The following PRKG1 variants were observed in gnomAD, a reference collection of about 807,000 sequenced individuals.
PRKG1 encodes the protein protein kinase cGMP-dependent 1, also known as cGMP-dependent protein kinase 1.
A neutral mutation model predicts 88.1 loss-of-function variants in PRKG1; 35 were observed. The observed-to-expected ratio is 0.40, with a 90% confidence interval of 0.30 to 0.53. The LOEUF (loss-of-function observed/expected upper bound fraction) is 0.53, where lower values mean the gene tolerates loss of function less well. Among genes scored for constraint, PRKG1 ranks in the 20% least tolerant of loss-of-function variants. The pLI is 0.59. For synonymous variants in PRKG1, 303 were observed against 292.5 expected, an observed-to-expected ratio of 1.04 and a Z score of -0.37; for missense variants, 540 against 839.8, an observed-to-expected ratio of 0.64 and a Z score of 4.41.
intron 10 of PRKG1, among the ~76,000 whole-genome samples, chr10:52,260,038 G>GA (rs1353777037): frequency 2.6e-5 from 4 of 151,622 alleles, no homozygotes; most frequent in African/African-American, 9.7e-5. Flanking sequence ...CCTTATCATT[G>GA]AAAGAGGCAT....
intron 3 of PRKG1, among the ~76,000 whole-genome samples, chr10:51,553,901 T>C (rs1340697032): frequency 6.3e-5 from 8 of 127,384 alleles, no homozygotes; most frequent in African/African-American, 2.4e-4. Flanking sequence ...AATATATGTA[T>C]GTATTAGATA....
chr10:51,976,744 G>A (rs1843844524), intron 5 of PRKG1, among the ~76,000 whole-genome samples: 1 of 151,968 alleles, frequency 6.6e-6, no homozygotes, highest in East Asian at 1.9e-4. Context: ...AGTTTAAAAG[G>A]CTGAATTTTA....
chr10:51,909,491 A>AC (rs1232047096), intron 5 of PRKG1: 1 of 152,242 alleles, frequency 6.6e-6, no homozygotes, highest in African/African-American at 2.4e-5. Context: ...ATTTACATAT[A>AC]CGAAGACATA....
At chr10:51,505,091 T>G (rs1322673974) in intron 3 of PRKG1, among the ~76,000 whole-genome samples, 1 of 152,182 alleles carries the variant, frequency 6.6e-6, no homozygotes, top group African/African-American at 2.4e-5. Context: ...CCATTCAGTA[T>G]GATATTAGCT....
At chr10:51,256,155 T>G (rs936712464) in intron 2 of PRKG1, among the ~76,000 whole-genome samples, 1 of 152,148 alleles carries the variant, frequency 6.6e-6, no homozygotes, top group Non-Finnish European at 1.5e-5. Context: ...GATTTTCTCC[T>G]TTCTCAGGGA....
intron 2 of PRKG1, among the ~76,000 whole-genome samples, chr10:51,211,329 G>C (rs1306323775): frequency 6.6e-6 from 1 of 152,148 alleles, no homozygotes; most frequent in African/African-American, 2.4e-5. Flanking sequence ...AATAGTAAGA[G>C]CTATCTATGA....
intron 3 of PRKG1, among the ~76,000 whole-genome samples, chr10:51,504,067 T>G (rs1214374554): frequency 2.0e-5 from 3 of 152,164 alleles, no homozygotes; most frequent in Non-Finnish European, 4.4e-5. Context: ...AATCACTGCT[T>G]TCTTATAAAG....
chr10:51,636,863 T>C (rs1219030586), intron 3 of PRKG1, among the ~76,000 whole-genome samples: 2 of 152,202 alleles, frequency 1.3e-5, no homozygotes, highest in Admixed American at 1.3e-4. Context: ...GAGAACAGTG[T>C]GAGTTACTTG....
At chr10:52,179,268 C>T (rs1395387301) in intron 9 of PRKG1, among the ~76,000 whole-genome samples, 1 of 152,010 alleles carries the variant, frequency 6.6e-6, no homozygotes, top group Non-Finnish European at 1.5e-5. Flanking sequence ...CTTCTAAGGC[C>T]AGTCTACTAG....
Position 51,074,635 on chromosome 10 carries a change from C to G in PRKG1, c.45C>G (p.Ile15Met). The G allele has an allele frequency of 1.2e-6, 2 of 1,614,028 alleles. No individual in the cohort carries two copies. The highest frequency in any genetic ancestry group is 2.7e-5 in the African/African-American group (2 of 75,030). ...TACAGTACGCGCTCCAGGAGAAGATCGAGGAGCTGAGGCAGCGGGATGCTC... is the reference window on the plus strand; with the variant it reads ...TACAGTACGCGCTCCAGGAGAAGATGGAGGAGCTGAGGCAGCGGGATGCTC... ...RDLQYALQEK[I>M]EELRQRDALI... The change falls in exon 1 of 18, where the codon ATC becomes ATG. Residue 15 changes from isoleucine to methionine, a missense_variant. By Grantham distance (10) the Ile-to-Met change is conservative (BLOSUM62 1). This residue lies in a region of PRKG1 where 15 missense variants were observed against 30.1 expected (regional missense o/e 0.50). Transcript: ENST00000373980.
At chr10:51,486,720 A>G (rs1840552162) in intron 3 of PRKG1, among the ~76,000 whole-genome samples, 1 of 152,154 alleles carries the variant, frequency 6.6e-6, no homozygotes, top group Non-Finnish European at 1.5e-5. Context: ...GAAAATATTG[A>G]GCTTTCTTAG....
At chr10:52,281,971 T>C (rs188730449) in intron 13 of PRKG1, among the ~76,000 whole-genome samples, 182 bp from the exon 14 acceptor site, 2 of 152,272 alleles carry the variant, frequency 1.3e-5, no homozygotes, top group African/African-American at 4.8e-5. Context: ...ACTTTTGCCA[T>C]TAAAACTGAG....
chr10:51,745,086 A>G (rs538741032), intron 3 of PRKG1, among the ~76,000 whole-genome samples: 12 of 152,328 alleles, frequency 7.9e-5, no homozygotes, highest in African/African-American at 2.9e-4. Context: ...TTTCTCAACT[A>G]TTATCAAAAC....
At chr10:51,645,389 C>CAT (rs1390139630) in intron 3 of PRKG1, among the ~76,000 whole-genome samples, 4 of 152,150 alleles carry the variant, frequency 2.6e-5, no homozygotes, top group Non-Finnish European at 5.9e-5. Context: ...TTCTATGTCT[C>CAT]ATATTTGAAC....
intron 9 of PRKG1, among the ~76,000 whole-genome samples, chr10:52,233,815 G>T (rs939052343): frequency 6.6e-6 from 1 of 152,092 alleles, no homozygotes; most frequent in African/African-American, 2.4e-5. Context: ...GCCCACCACA[G>T]CTCCAGGAGG....
At chr10:52,036,462 A>G (rs372214867) in intron 5 of PRKG1, among the ~76,000 whole-genome samples, 4,558 of 143,612 alleles carry the variant, frequency 0.032, 95 homozygotes, top group South Asian at 0.086. Context: ...TGTAGCAGGC[A>G]AGTGATAACA....
intron 1 of PRKG1, among the ~76,000 whole-genome samples, chr10:51,002,778 T>G (rs1358613866): frequency 6.6e-6 from 1 of 152,184 alleles, no homozygotes. Flanking sequence ...GTCCCAGCAA[T>G]CAAGGGTCAG....
chr10:51,174,553 G>T (rs1844695546), intron 2 of PRKG1, among the ~76,000 whole-genome samples: 1 of 151,954 alleles, frequency 6.6e-6, no homozygotes, highest in African/African-American at 2.4e-5. Flanking sequence ...TTGATTTTTA[G>T]TCTTTGCAAG....
At chr10:51,540,041 A>C (rs917717927) in intron 3 of PRKG1, among the ~76,000 whole-genome samples, 1 of 152,160 alleles carries the variant, frequency 6.6e-6, no homozygotes, top group Admixed American at 6.6e-5. Context: ...CTTCTCAGTT[A>C]CCTGATGTTT....
Sources: gnomAD v4.1 joint callset for allele counts (sites outside exome capture counted in the v4.1 genomes callset) on GRCh38, gnomAD v4.1.1 for gene constraint, gnomAD v4.1.1 regional missense constraint, MANE v1.5 for transcripts, NCBI Gene and HGNC (gene_info 2026-07-23, HGNC 2026-07-21) for gene names.